Variants in SSC4D observed in about 807,000 individuals in gnomAD.
SSC4D encodes scavenger receptor cysteine rich family member with 4 domains.
A neutral mutation model predicts 63.4 loss-of-function variants in SSC4D; 57 were observed. That is an observed-to-expected ratio of 0.90 (90% CI 0.73 to 1.12). The LOEUF (loss-of-function observed/expected upper bound fraction) is 1.12. Ranked by LOEUF, SSC4D falls within the 50% of genes most tolerant of loss-of-function variation. SSC4D has a pLI of 0.00. For synonymous variants in SSC4D, 352 were observed against 345.4 expected, an observed-to-expected ratio of 1.02 and a Z score of -0.21; for missense variants, 791 against 806.4, an observed-to-expected ratio of 0.98 and a Z score of 0.23.
chr7:76,408,988 A>T (rs1051933727), intron 1 of SSC4D, among the ~76,000 whole-genome samples: 1 of 152,116 alleles, frequency 6.6e-6, no homozygotes, highest in African/African-American at 2.4e-5. Context: ...TTCGTGATCC[A>T]CTTACCCCTT....
chr7:76,392,039 G>A lies in SSC4D; in HGVS notation c.1336C>T (p.Pro446Ser), dbSNP rs777833385. Reference protein sequence around the residue: ...HEDAGALCAGPEELGLQVQQD... With the variant: ...HEDAGALCAGSEELGLQVQQD... ...TGGACTTGCAGTCCCAGCTCCTCTG[G>A]GCCTGGTTCAGGAAGGACAGAGATA... The change falls in exon 10 of 11, where the codon CCA becomes TCA. Residue 446 changes from proline (P) to serine (S), a missense_variant and splice_region_variant. Transcript: ENST00000275560. 2 of 1,570,384 alleles carry A rather than the reference G, an allele frequency of 1.3e-6. No homozygotes were observed. Among genetic ancestry groups the A allele is most frequent in the Admixed American group, 1.9e-5 (1 of 53,228 alleles).
chr7:76,390,420 G>A (rs1429145742), intron 10 of SSC4D, 45 bp from the exon 11 acceptor site: 2 of 1,521,068 alleles, frequency 1.3e-6, no homozygotes, highest in Admixed American at 2.0e-5. Flanking sequence ...GTCCATGCCA[G>A]GCCACTCCCA....
chr7:76,398,881 C>A, intron 4 of SSC4D, 84 bp from the exon 5 acceptor site: 1 of 1,416,292 alleles, frequency 7.1e-7, no homozygotes, highest in Non-Finnish European at 9.8e-7. Context: ...GGAGGATGGA[C>A]CCATAAGGTG....
chr7:76,404,225 C>A (rs1353260210), intron 2 of SSC4D, 82 bp downstream of exon 2: 4 of 1,448,962 alleles, frequency 2.8e-6, no homozygotes, highest in African/African-American at 2.9e-5. Context: ...CATTCACAAC[C>A]CTCCTCCTAC....
At position 76,391,959 on chromosome 7, in the gene SSC4D, C is replaced by T. The variant is rs759178373; in HGVS notation, c.1411+5G>A. The T allele has an allele frequency of 2.5e-6, 4 of 1,589,556 alleles. No individual in the cohort carries two copies. The Admixed American group carries it at 5.3e-5, about 21-fold the overall frequency. On this transcript the variant is annotated splice_donor_5th_base_variant and intron_variant, in intron 10 of 10. Transcript: ENST00000275560. The stretch of plus-strand genomic sequence containing the variant: ...ACCCACTTTCAGGGGATTATGGGCA[C>T]CTACCGTCCCTGGGCCGAGGAGTGG...
chr7:76,391,921 C>T, intron 10 of SSC4D, 43 bp downstream of exon 10: 1 of 1,554,078 alleles, frequency 6.4e-7, no homozygotes, highest in South Asian at 1.2e-5. Flanking sequence ...GTCCTTAAGA[C>T]CCCGATGCCT....
At chr7:76,395,067 A>C (rs1398150163) in intron 7 of SSC4D, among the ~76,000 whole-genome samples, 186 bp downstream of exon 7, 4 of 151,962 alleles carry the variant, frequency 2.6e-5, no homozygotes, top group Admixed American at 6.6e-5. Flanking sequence ...TGAAGTTTTC[A>C]GAGCTCTGAG....
intron 10 of SSC4D, among the ~76,000 whole-genome samples, chr7:76,391,028 T>C (rs912440889): frequency 3.3e-5 from 5 of 152,046 alleles, no homozygotes; most frequent in African/African-American, 1.2e-4. Context: ...CCCAGCTACT[T>C]GGGAGACTGA....
chr7:76,397,212 C>A (rs1804662558), intron 6 of SSC4D, among the ~76,000 whole-genome samples: 2 of 152,104 alleles, frequency 1.3e-5, no homozygotes, highest in African/African-American at 2.4e-5. Context: ...CCTCCCGAGT[C>A]TCTGGGATTA....
rs1033218040 is a variant in SSC4D, at chr7:76,392,346, C to G, written c.1334-305G>C. Among the ~76,000 whole-genome samples the G allele has an allele frequency of 5.9e-5, 9 of 152,042 alleles. 1 individual carries two copies. The highest frequency in any genetic ancestry group is 4.8e-5 in the African/African-American group (2 of 41,476). On this transcript the variant is annotated intron_variant, in intron 9 of 10. Coordinates refer to ENST00000275560, the MANE Select transcript of SSC4D (RefSeq NM_080744.2). The stretch of plus-strand genomic sequence containing the variant: ...GGTGGATCACCTGAGGTCAGGAGTT[C>G]GTAGACCAGCCTGGCCAACATGGTG...
At chr7:76,404,739 C>G (rs1049286801) in intron 1 of SSC4D, among the ~76,000 whole-genome samples, 5 of 151,086 alleles carry the variant, frequency 3.3e-5, no homozygotes, top group Admixed American at 1.3e-4. Flanking sequence ...GAGATATAGC[C>G]TGGGTAACAT....
rs541249189 is a variant in SSC4D at position 76,394,240 on chromosome 7, G to GA, written c.947-337dup. On this transcript the variant is annotated intron_variant, in intron 7 of 10. Transcript: ENST00000275560. Reference sequence around the variant, plus strand: ...TTCCCAATCTCAGCATCATCCCATTGAAAAAAAAGTTTTTTTAATTTCGAG... The same window carrying GA: ...TTCCCAATCTCAGCATCATCCCATTGAAAAAAAAAGTTTTTTTAATTTCGAG... 2.6e-4 allele frequency among the ~76,000 whole-genome samples: 40 copies of GA among 151,608 alleles called. 1 individual carries two copies. The highest frequency in any genetic ancestry group is 1.0e-3 in the South Asian group (5 of 4,802).
intron 9 of SSC4D, among the ~76,000 whole-genome samples, chr7:76,392,260 AAAGT>A: frequency 6.6e-6 from 1 of 152,192 alleles, no homozygotes; most frequent in East Asian, 1.9e-4. Flanking sequence ...TTAAGAGGTC[AAAGT>A]AAGGCCGGGC....
chr7:76,395,531 G>A (rs915385134), intron 6 of SSC4D, among the ~76,000 whole-genome samples: 5 of 152,290 alleles, frequency 3.3e-5, no homozygotes, highest in African/African-American at 1.2e-4. Context: ...GTGCTGTGAG[G>A]TGTACACTTC....
intron 9 of SSC4D, among the ~76,000 whole-genome samples, chr7:76,393,051 T>C (rs1379245920): frequency 6.6e-6 from 1 of 152,220 alleles, no homozygotes; most frequent in Non-Finnish European, 1.5e-5. Flanking sequence ...AATAGAGTTT[T>C]GCGGGGTCTA....
At position 76,390,265 on chromosome 7, in the gene SSC4D, C is replaced by A. The variant is rs775089702; in HGVS notation, c.1522G>T (p.Gly508Cys). Residue 508 changes from glycine (G) to cysteine (C), a missense_variant, in exon 11 of 11, where the codon GGT becomes TGT. Gly to Cys is a radical substitution (Grantham distance 159, BLOSUM62 -3). Coordinates refer to ENST00000275560, the MANE Select transcript of SSC4D (RefSeq NM_080744.2). Reference protein sequence around the residue: ...CDDAWDLRAAGVLCRQLGCGQ... With the variant: ...CDDAWDLRAACVLCRQLGCGQ... ...CAGCCCAGCTGGCGGCACAGGACAC[C>A]GGCTGCCCGCAGGTCCCAAGCATCA... 6.2e-7 allele frequency: 1 copy of A among 1,613,962 alleles called. No homozygotes were observed. The highest frequency in any genetic ancestry group is 1.1e-5 in the South Asian group (1 of 91,058).
In SSC4D at chr7:76,393,554, C is replaced by T; in HGVS notation, c.1184G>A (p.Gly395Glu). The change falls in exon 9 of 11, where the codon GGA becomes GAA. Residue 395 changes from glycine (G) to glutamate (E), a missense_variant. Coordinates refer to ENST00000275560, the MANE Select transcript of SSC4D (RefSeq NM_080744.2). ...AGCGPALGATGLGHFGYGRGP... is the reference protein window; with the variant it reads ...AGCGPALGATELGHFGYGRGP... ...GCGGCCGTAGCCGAAGTGGCCCAGT[C>T]CCGTAGCGCCCAGCGCAGGCCCGCA... is the stretch of plus-strand genomic sequence containing the variant. 6.6e-7 allele frequency: 1 copy of T among 1,519,754 alleles called. No homozygotes were observed. Among genetic ancestry groups the T allele is most frequent in the Non-Finnish European group, 8.8e-7 (1 of 1,140,614 alleles). 94.1% of individuals were successfully genotyped at this position (1,519,754 alleles called of 1,614,324 possible). A position where few individuals can be genotyped will look rare whatever the true frequency, so the allele number is the denominator to read the frequency against.
rs544821595 is a variant in SSC4D, at chr7:76,397,495, C to G, written c.868+23G>C. 8.8e-5 allele frequency: 129 copies of G among 1,467,342 alleles called. 4 individuals are homozygous for G. The highest frequency in any genetic ancestry group is 7.9e-4 in the South Asian group (56 of 71,308). The allele number at this position is 1,467,342 out of a possible 1,614,324, so 90.9% of individuals were successfully genotyped here. ...GCCCCGCCCACCTGCCCCGGCCCCG[C>G]CCATCGCCCCTAGAGCCCGCACCTG... On this transcript the variant is annotated intron_variant, in intron 6 of 10. Transcript: ENST00000275560.
chr7:76,394,034 G>T, intron 7 of SSC4D, 130 bp from the exon 8 acceptor site: 1 of 851,728 alleles, frequency 1.2e-6, no homozygotes, highest in Non-Finnish European at 1.8e-6. Context: ...TGCAACCCCA[G>T]AGTCACCACG....
Sources: allele counts gnomAD v4.1 joint callset (sites outside exome capture counted in the v4.1 genomes callset), GRCh38; gene constraint gnomAD v4.1.1; transcripts MANE v1.5; gene names NCBI Gene and HGNC (gene_info 2026-07-23, HGNC 2026-07-21).